The following CATSPERT variants were observed in gnomAD, a reference collection of about 807,000 sequenced individuals.
CATSPERT encodes the protein catsper channel auxiliary subunit tau.
the CATSPERT span, among the ~76,000 whole-genome samples, chr2:201,570,783 T>C: frequency 6.6e-6 from 1 of 152,214 alleles, no homozygotes; most frequent in Non-Finnish European, 1.5e-5. Flanking sequence ...GAGTCTCTTA[T>C]GGCTCCCTGC....
the CATSPERT span, among the ~76,000 whole-genome samples, chr2:201,533,908 G>A: frequency 6.6e-6 from 1 of 152,020 alleles, no homozygotes; most frequent in Non-Finnish European, 1.5e-5. Flanking sequence ...TTGTATTTTG[G>A]AAGCCTTGAG....
At chr2:201,618,566 G>T in the CATSPERT span, among the ~76,000 whole-genome samples, 3 of 137,734 alleles carry the variant, frequency 2.2e-5, no homozygotes, top group African/African-American at 8.0e-5. Flanking sequence ...TCGTGGGTTG[G>T]GGGGAGGGAG....
At chr2:201,487,850 A>G in the CATSPERT span, 1 of 1,613,936 alleles carries the variant, frequency 6.2e-7, no homozygotes, top group Non-Finnish European at 8.5e-7. Context: ...TACTTTTTTA[A>G]GGTGTGTAAA....
At chr2:201,577,461 G>A in the CATSPERT span, among the ~76,000 whole-genome samples, 1 of 152,304 alleles carries the variant, frequency 6.6e-6, no homozygotes, top group Admixed American at 6.5e-5. Flanking sequence ...ATGTCAGCAC[G>A]ATAGCCAAGA....
chr2:201,542,792 C>T, the CATSPERT span, among the ~76,000 whole-genome samples: 7 of 152,008 alleles, frequency 4.6e-5, no homozygotes, highest in East Asian at 1.3e-3. Flanking sequence ...ATATATTCCC[C>T]CATTCTGTAG....
the CATSPERT span, chr2:201,554,818 C>T: frequency 2.0e-5 from 3 of 151,402 alleles, no homozygotes; most frequent in South Asian, 6.3e-4. Context: ...TGATTAAATC[C>T]AGGGCTCTAT....
the CATSPERT span, among the ~76,000 whole-genome samples, chr2:201,613,328 A>T: frequency 6.6e-6 from 1 of 152,138 alleles, no homozygotes; most frequent in Non-Finnish European, 1.5e-5. Flanking sequence ...CACCTCATAC[A>T]ACTGGGTGCC....
At chr2:201,550,755 A>G in the CATSPERT span, 1 of 152,204 alleles carries the variant, frequency 6.6e-6, no homozygotes, top group Non-Finnish European at 1.5e-5. Context: ...CATTGGCTCA[A>G]CAAATTTATT....
the CATSPERT span, among the ~76,000 whole-genome samples, chr2:201,500,386 C>T: frequency 2.6e-3 from 394 of 152,066 alleles, 2 homozygotes; most frequent in African/African-American, 8.7e-3. Flanking sequence ...TGGTGGCACG[C>T]GCCTGTGGTT....
chr2:201,599,062 T>A, the CATSPERT span, among the ~76,000 whole-genome samples: 3 of 151,984 alleles, frequency 2.0e-5, no homozygotes, highest in Non-Finnish European at 1.5e-5. Flanking sequence ...AGGCCTAGAC[T>A]CTCCCCTCAC....
chr2:201,581,575 T>TAC, the CATSPERT span, among the ~76,000 whole-genome samples: 1 of 79,268 alleles, frequency 1.3e-5, no homozygotes, highest in African/African-American at 5.0e-5. Flanking sequence ...TATATATATA[T>TAC]ATATATATAT....
At chr2:201,593,220 T>C in the CATSPERT span, among the ~76,000 whole-genome samples, 1 of 152,074 alleles carries the variant, frequency 6.6e-6, no homozygotes, top group Non-Finnish European at 1.5e-5. Context: ...TCTTTATTTC[T>C]GCCTTCATTT....
At chr2:201,558,896 A>G in the CATSPERT span, among the ~76,000 whole-genome samples, 1 of 152,106 alleles carries the variant, frequency 6.6e-6, no homozygotes. Flanking sequence ...CCCCAGTTGC[A>G]CAGAGCCTGG....
the CATSPERT span, among the ~76,000 whole-genome samples, chr2:201,610,919 T>C: frequency 2.6e-5 from 4 of 152,228 alleles, no homozygotes; most frequent in African/African-American, 9.6e-5. Context: ...TAAAATTCAA[T>C]ATCCCTTCAT....
the CATSPERT span, among the ~76,000 whole-genome samples, chr2:201,496,154 C>A: frequency 1.3e-5 from 2 of 151,666 alleles, no homozygotes; most frequent in East Asian, 3.9e-4. Flanking sequence ...ATATTGGATT[C>A]TTTGGTATTA....
At chr2:201,619,124 GCTCCATCT>G in the CATSPERT span, 1 of 1,614,128 alleles carries the variant, frequency 6.2e-7, no homozygotes, top group Non-Finnish European at 8.5e-7. Context: ...TCTTGGGGTG[GCTCCATCT>G]CTCCATCTTC....
chr2:201,539,390 T>A, the CATSPERT span, among the ~76,000 whole-genome samples: 1 of 152,170 alleles, frequency 6.6e-6, no homozygotes, highest in Non-Finnish European at 1.5e-5. Context: ...CTCATTATGG[T>A]TTTGATTCAC....
chr2:201,590,453 C>T, the CATSPERT span, among the ~76,000 whole-genome samples: 3 of 151,974 alleles, frequency 2.0e-5, no homozygotes, highest in Middle Eastern at 3.2e-3. Flanking sequence ...CATATGTGTG[C>T]ATGTGTCTTT....
the CATSPERT span, among the ~76,000 whole-genome samples, chr2:201,515,647 G>C: frequency 6.6e-6 from 1 of 152,070 alleles, no homozygotes; most frequent in Non-Finnish European, 1.5e-5. Context: ...CTTACACATA[G>C]GGCACTCAGC....
Sources: allele counts gnomAD v4.1 joint callset (sites outside exome capture counted in the v4.1 genomes callset), GRCh38; gene constraint gnomAD v4.1.1; transcripts MANE v1.5; gene names NCBI Gene and HGNC (gene_info 2026-07-23, HGNC 2026-07-21).